The following TM6SF2 variants were observed in gnomAD, a reference collection of about 807,000 sequenced individuals.
TM6SF2 encodes the protein transmembrane 6 superfamily member 2.
In TM6SF2, 29 loss-of-function variants were observed where a neutral mutation model predicts 41.0. The ratio of observed to expected loss-of-function variants is 0.71; its 90% CI spans 0.53 to 0.96. TM6SF2 has a LOEUF of 0.96. Ranked by LOEUF, TM6SF2 falls within the 50% of genes least tolerant of loss-of-function variation. TM6SF2 has a pLI of 0.00. For missense variants in TM6SF2, 475 were observed against 499.0 expected (o/e 0.95, Z 0.46); for synonymous variants, 200 against 209.1 (o/e 0.96, Z 0.37).
intron 6 of TM6SF2, among the ~76,000 whole-genome samples, chr19:19,268,320 C>T (rs1423117655): frequency 6.6e-6 from 1 of 151,768 alleles, no homozygotes; most frequent in East Asian, 1.9e-4. Context: ...ATCCTCCCAC[C>T]TCAGCCTCCC....
At position 19,264,715 on chromosome 19, in the gene TM6SF2, G is replaced by A; in HGVS notation, c.1083C>T (p.Phe361=). Residue 361 remains phenylalanine (F), a synonymous_variant, in exon 10 of 10, where the codon TTC becomes TTT. Coordinates refer to ENST00000389363, the MANE Select transcript of TM6SF2 (RefSeq NM_001001524.3). ...GGGGGTCGGAGGGTGGTGGCTGGTG[G>A]AAGAATGCGGGCCACTGAAGGCAAC... ...AYRCLQWPAF[F]HQPPPSDPLA... 6.3e-7 allele frequency: 1 copy of A among 1,593,012 alleles called. No individual in the cohort carries two copies. The highest frequency in any genetic ancestry group is 8.6e-7 in the Non-Finnish European group (1 of 1,169,188).
chr19:19,270,723 C>T (rs1471786116), intron 2 of TM6SF2, among the ~76,000 whole-genome samples: 1 of 152,196 alleles, frequency 6.6e-6, no homozygotes, highest in East Asian at 1.9e-4. Flanking sequence ...ATGGGAGAGG[C>T]ACCGTCCCTG....
rs556750981 is a variant in TM6SF2, at chr19:19,266,551, G to T, written c.863C>A (p.Thr288Asn). ...PFCGLAAYAL[T>N]FPGCSWLPDW... is the part of the protein sequence containing the mutation. ...TGGAAGCCAGGAGCAACCAGGGAAG[G>T]TGAGAGCATAGGCAGCCAGGCCGCA... is the stretch of plus-strand genomic sequence containing the variant. The change falls in exon 9 of 10, where the codon ACC (threonine) becomes AAC (asparagine). Residue 288 changes from threonine to asparagine, a missense_variant. By Grantham distance (65) the Thr-to-Asn change is moderately conservative (BLOSUM62 0). Around this residue, in one of 3 missense-constraint regions of TM6SF2, gnomAD observed 190 missense variants for 190.2 expected, o/e 1.00. Transcript: ENST00000389363. 6 of 1,614,118 alleles carry T rather than the reference G, an allele frequency of 3.7e-6. No homozygotes were observed. In the South Asian group the frequency reaches 6.6e-5, roughly 18 times the overall value.
At chr19:19,269,955 G>A in intron 4 of TM6SF2, 186 bp from the exon 5 acceptor site, 1 of 1,481,270 alleles carries the variant, frequency 6.8e-7, no homozygotes. Flanking sequence ...GAACAGAAGT[G>A]GCTGCCCAGG....
intron 1 of TM6SF2, 60 bp downstream of exon 1, chr19:19,273,061 T>TTTCCCCCCCCCCCCCCC: frequency 3.3e-6 from 1 of 305,468 alleles, no homozygotes; most frequent in South Asian, 2.9e-5. Context: ...CCTCCAGTCC[T>TTTCCCCCCCCCCCCCCC]CCCCGCCCCC....
intron 3 of TM6SF2, 28 bp from the exon 4 acceptor site, chr19:19,270,304 G>A (rs754831597): frequency 5.0e-6 from 8 of 1,614,186 alleles, no homozygotes; most frequent in South Asian, 1.1e-5. Context: ...AGACTCAGAC[G>A]GGCAGTGCGG....
At chr19:19,265,281 C>G (rs554335721) in intron 9 of TM6SF2, among the ~76,000 whole-genome samples, 1 of 152,154 alleles carries the variant, frequency 6.6e-6, no homozygotes, top group African/African-American at 2.4e-5. Context: ...CTCCTGAGGT[C>G]AGGCAATCCA....
chr19:19,271,679 C>T (rs1351439088), intron 1 of TM6SF2, among the ~76,000 whole-genome samples: 4 of 151,926 alleles, frequency 2.6e-5, no homozygotes, highest in Non-Finnish European at 5.9e-5. Flanking sequence ...TACAGGTGCC[C>T]ACCACCACAC....
Position 19,267,722 on chromosome 19 carries a change from G to T in TM6SF2, c.712-9C>A. The T allele has an allele frequency of 6.2e-7, 1 of 1,612,700 alleles. No homozygotes were observed. Among genetic ancestry groups the T allele is most frequent in the Non-Finnish European group, 8.5e-7 (1 of 1,179,288 alleles). On this transcript the variant is annotated splice_polypyrimidine_tract_variant and intron_variant, in intron 7 of 9. Transcript: ENST00000389363. ...GGGCAATCAAGCACCACCTGGAGCAGACAGACATACCAAGAACCCTCAGAC... is the reference window on the plus strand; with the variant it reads ...GGGCAATCAAGCACCACCTGGAGCATACAGACATACCAAGAACCCTCAGAC...
rs764335067 is a variant in TM6SF2, at chr19:19,267,367, TA to T, written c.804+253del. On this transcript the variant is annotated intron_variant, in intron 8 of 9. Transcript: ENST00000389363. Reference sequence around the variant, plus strand: ...TGGGCCACAAGAGCAAAACTCTGTTTAAAAAAAAAAAAAAAAAAGAAAAAGA... The same window carrying T: ...TGGGCCACAAGAGCAAAACTCTGTTTAAAAAAAAAAAAAAAAAGAAAAAGA... Among the ~76,000 whole-genome samples, 554 of 116,954 alleles carry T rather than the reference TA, an allele frequency of 4.7e-3. 2 individuals are homozygous for T. Among genetic ancestry groups the T allele is most frequent in the African/African-American group, 0.011 (352 of 33,122 alleles). 76.7% of individuals were successfully genotyped at this position (116,954 alleles called of 152,430 possible).
At chr19:19,268,893 C>T in intron 5 of TM6SF2, 139 bp from the exon 6 acceptor site, 1 of 1,027,388 alleles carries the variant, frequency 9.7e-7, no homozygotes, top group East Asian at 3.4e-5. Flanking sequence ...ACTGCAACCT[C>T]TGCCTCCCAG....
rs79526739 is a variant in TM6SF2, at chr19:19,272,478, T to C, written c.95+643A>G. Reference sequence around the variant, plus strand: ...AGGGAGCCAGGCTCATGGTTAAGACTCTCTCCACCCCATGGCTTGGGTTGA... The same window carrying C: ...AGGGAGCCAGGCTCATGGTTAAGACCCTCTCCACCCCATGGCTTGGGTTGA... On this transcript the variant is annotated intron_variant, in intron 1 of 9. Transcript: ENST00000389363. Among the ~76,000 whole-genome samples, 368 of 152,216 alleles carry C rather than the reference T, an allele frequency of 2.4e-3. 1 individual carries two copies. Among genetic ancestry groups the C allele is most frequent in the African/African-American group, 8.1e-3 (336 of 41,534 alleles).
At chr19:19,265,773 TGTCC>T (rs2061001309) in intron 9 of TM6SF2, among the ~76,000 whole-genome samples, 1 of 152,014 alleles carries the variant, frequency 6.6e-6, no homozygotes, top group Non-Finnish European at 1.5e-5. Flanking sequence ...TCCCTGTGCT[TGTCC>T]ACTTGTCTGT....
At position 19,264,634 on chromosome 19, in the gene TM6SF2, A is replaced by G. The variant is rs2060995991; in HGVS notation, c.*30T>C. The G allele has an allele frequency of 5.0e-6, 7 of 1,403,262 alleles. No homozygotes were observed. The Admixed American group carries it at 8.5e-5, about 17-fold the overall frequency. 86.9% of individuals were successfully genotyped at this position (1,403,262 alleles called of 1,614,324 possible). A position where few individuals can be genotyped will look rare whatever the true frequency, so the allele number is the denominator to read the frequency against. ...GGTAGGGCTGACTGGGCACGTAAAC[A>G]GAGTCCTGGGTCCTGAGTCCACAGC... On this transcript the variant is annotated 3_prime_UTR_variant, in exon 10 of 10. Coordinates refer to ENST00000389363, the MANE Select transcript of TM6SF2 (RefSeq NM_001001524.3).
chr19:19,266,378 G>C, intron 9 of TM6SF2, 112 bp downstream of exon 9: 1 of 1,452,540 alleles, frequency 6.9e-7, no homozygotes, highest in Non-Finnish European at 9.4e-7. Flanking sequence ...CCTGGGGCTG[G>C]GGCCTCTTGG....
In TM6SF2 at chr19:19,272,092, A is replaced by G. The variant is rs534583840; in HGVS notation, c.96-967T>C. ...TAAGACAGGTCAACCAGTTGCATAG[A>G]TAACAGAAGCCAGGTCTCTGGGCAG... On this transcript the variant is annotated intron_variant, in intron 1 of 9. Coordinates refer to ENST00000389363, the MANE Select transcript of TM6SF2 (RefSeq NM_001001524.3). Among the ~76,000 whole-genome samples, 6 of 152,322 alleles carry G rather than the reference A, an allele frequency of 3.9e-5. No individual in the cohort carries two copies. In the South Asian group the frequency reaches 1.0e-3, roughly 26 times the overall value.
chr19:19,266,617 G>C lies in TM6SF2; in HGVS notation c.805-8C>G, dbSNP rs749132467. The C allele has an allele frequency of 1.2e-6, 2 of 1,610,072 alleles. No individual in the cohort carries two copies. Among genetic ancestry groups the C allele is most frequent in the Admixed American group, 1.7e-5 (1 of 59,308 alleles). On this transcript the variant is annotated splice_polypyrimidine_tract_variant and splice_region_variant and intron_variant, in intron 8 of 9. Coordinates refer to ENST00000389363, the MANE Select transcript of TM6SF2 (RefSeq NM_001001524.3). ...AAACATGTACATCAGCATCTGCAGG[G>C]GCGGGAGGAGAGGGGCACCAGCCTG...
rs1388138756 is a variant in TM6SF2 at position 19,270,477 on chromosome 19, A to G, written c.200-35T>C. The G allele has an allele frequency of 6.6e-6, 10 of 1,511,110 alleles. No individual in the cohort carries two copies. The Admixed American group carries it at 1.7e-4, about 25-fold the overall frequency. 93.6% of individuals were successfully genotyped at this position (1,511,110 alleles called of 1,614,324 possible). On this transcript the variant is annotated intron_variant, in intron 2 of 9. Transcript: ENST00000389363. ...GTGGGCGGGCCGGGTCAGGTGTGGG[A>G]GGGGACACGTGTGGGTGGGGCTAGG...
chr19:19,267,316 C>T (rs1006115239), intron 8 of TM6SF2, among the ~76,000 whole-genome samples: 20 of 147,192 alleles, frequency 1.4e-4, no homozygotes, highest in African/African-American at 5.1e-5. Flanking sequence ...TGCAGTGAGC[C>T]GAGATCATGC....
Sources: allele counts gnomAD v4.1 joint callset (sites outside exome capture counted in the v4.1 genomes callset), GRCh38; gene constraint gnomAD v4.1.1; regional missense constraint gnomAD v4.1.1; transcripts MANE v1.5; gene names NCBI Gene and HGNC (gene_info 2026-07-23, HGNC 2026-07-21).